NR3C2: variants seen among roughly 807,000 people sequenced by gnomAD.
NR3C2 encodes mineralocorticoid receptor.
In NR3C2, 15 loss-of-function variants were observed where a neutral mutation model predicts 86.4. The observed-to-expected ratio is 0.17, with a 90% CI of 0.12 to 0.27. NR3C2 has a LOEUF of 0.27. Among genes scored for constraint, NR3C2 ranks in the 10% least tolerant of loss-of-function variants. The pLI is 1.00. For synonymous variants in NR3C2, 458 were observed against 450.5 expected (o/e 1.02, Z -0.21); for missense variants, 960 against 1,195.6 (o/e 0.80, Z 2.91).
At chr4:148,388,132 T>C (rs1747361044) in intron 2 of NR3C2, among the ~76,000 whole-genome samples, 1 of 152,162 alleles carries the variant, frequency 6.6e-6, no homozygotes, top group Admixed American at 6.6e-5. Flanking sequence ...AGAAAATGGC[T>C]TCGGAAAATA....
chr4:148,296,044 C>CAAAAAAAAAA lies in NR3C2; in HGVS notation c.1758-35937_1758-35928dup, dbSNP rs529710200. 7.2e-4 allele frequency among the ~76,000 whole-genome samples: 53 copies of CAAAAAAAAAA among 73,926 alleles called. 3 individuals are homozygous for CAAAAAAAAAA. The highest frequency in any genetic ancestry group is 9.6e-4 in the Non-Finnish European group (39 of 40,824). 48.5% of individuals were successfully genotyped at this position (73,926 alleles called of 152,430 possible). On this transcript the variant is annotated intron_variant, in intron 2 of 8. Transcript: ENST00000358102. Reference sequence around the variant, plus strand: ...AGAGGTCCTTAATATGAGCTGAGGCCAAAAAAAAAAAAAAAAAAAAAAGAG... The same window carrying CAAAAAAAAAA: ...AGAGGTCCTTAATATGAGCTGAGGCCAAAAAAAAAAAAAAAAAAAAAAAAAAAAAAAAGAG...
At chr4:148,411,355 T>C (rs572522512) in intron 2 of NR3C2, among the ~76,000 whole-genome samples, 1 of 152,308 alleles carries the variant, frequency 6.6e-6, no homozygotes, top group Non-Finnish European at 1.5e-5. Flanking sequence ...ATTTAAAAGA[T>C]GTTAACATTT....
chr4:148,184,041 G>A (rs1270594085), intron 4 of NR3C2, among the ~76,000 whole-genome samples: 2 of 151,988 alleles, frequency 1.3e-5, no homozygotes, highest in Non-Finnish European at 2.9e-5. Flanking sequence ...ACTATGCACA[G>A]GACAGTCCTC....
intron 2 of NR3C2, among the ~76,000 whole-genome samples, chr4:148,277,046 A>C (rs1177471731): frequency 1.3e-5 from 2 of 152,256 alleles, no homozygotes; most frequent in Non-Finnish European, 2.9e-5. Flanking sequence ...CTTTAGAAAC[A>C]AAAGAAATCA....
chr4:148,135,839 G>A lies in NR3C2; in HGVS notation c.2511-15551C>T, dbSNP rs896498461. ...TGGGAGGCCGAGGCGGGCGGATCAC[G>A]AGGTCAGGAGATCGAGACCATCCCG... On this transcript the variant is annotated intron_variant, in intron 6 of 8. Transcript: ENST00000358102. Among the ~76,000 whole-genome samples the A allele has an allele frequency of 2.8e-3, 430 of 151,476 alleles. 6 individuals are homozygous for A. Among genetic ancestry groups the A allele is most frequent in the Non-Finnish European group, 2.0e-3 (133 of 67,856 alleles).
At chr4:148,296,044 C>A (rs1209652858) in intron 2 of NR3C2, among the ~76,000 whole-genome samples, 314 of 73,782 alleles carry the variant, frequency 4.3e-3, no homozygotes, top group African/African-American at 6.3e-3. Context: ...GAGCTGAGGC[C>A]AAAAAAAAAA....
intron 1 of NR3C2, among the ~76,000 whole-genome samples, chr4:148,439,224 C>G (rs993476530): frequency 6.6e-6 from 1 of 152,116 alleles, no homozygotes. Context: ...ATATTATATG[C>G]TGCTTCTATT....
At chr4:148,384,278 T>C (rs539045678) in intron 2 of NR3C2, among the ~76,000 whole-genome samples, 12 of 152,246 alleles carry the variant, frequency 7.9e-5, no homozygotes, top group Admixed American at 6.5e-4. Context: ...ATTATCAATA[T>C]GAGAATACTT....
Position 148,363,506 on chromosome 4 carries a change from C to CTTTTTTTTTTTTTT in NR3C2, c.1757+71584_1757+71597dup, listed in dbSNP as rs58978966. Among the ~76,000 whole-genome samples, 74 of 110,752 alleles carry CTTTTTTTTTTTTTT rather than the reference C, an allele frequency of 6.7e-4. 3 individuals carry two copies. The highest frequency in any genetic ancestry group is 1.9e-3 in the African/African-American group (56 of 28,854). The allele number at this position is 110,752 out of a possible 152,430, so 72.7% of individuals were successfully genotyped here. ...TAAAGTCTAGACTTCTCATAGATCT[C>CTTTTTTTTTTTTTT]TTTTTTTTTTTTTTTGAGACGGAGT... On this transcript the variant is annotated intron_variant, in intron 2 of 8. Transcript: ENST00000358102.
At chr4:148,213,290 A>G (rs927743456) in intron 3 of NR3C2, among the ~76,000 whole-genome samples, 2 of 152,220 alleles carry the variant, frequency 1.3e-5, no homozygotes, top group Admixed American at 1.3e-4. Flanking sequence ...ATGGAAATTC[A>G]TTTTAAAATC....
At chr4:148,140,689 T>C (rs72653804) in intron 6 of NR3C2, among the ~76,000 whole-genome samples, 5,173 of 152,296 alleles carry the variant, frequency 0.034, 313 homozygotes, top group African/African-American at 0.11. Flanking sequence ...AGATAATATA[T>C]GATCTTAAAC....
rs61758929 is a variant in NR3C2 at position 148,249,339 on chromosome 4, A to G, written c.1897+10639T>C. Among the ~76,000 whole-genome samples, 1,290 of 152,262 alleles carry G rather than the reference A, an allele frequency of 8.5e-3. 7 individuals carry two copies. Among genetic ancestry groups the G allele is most frequent in the Middle Eastern group, 0.024 (7 of 294 alleles). On this transcript the variant is annotated intron_variant, in intron 3 of 8. Transcript: ENST00000358102. Reference sequence around the variant, plus strand: ...AATTCTATAGTTTTGATTCCACTGAAACAAGTAAAAAGAACTTAATGAGCC... The same window carrying G: ...AATTCTATAGTTTTGATTCCACTGAGACAAGTAAAAAGAACTTAATGAGCC...
chr4:148,155,764 T>G (rs990679548), intron 4 of NR3C2, among the ~76,000 whole-genome samples: 24 of 151,438 alleles, frequency 1.6e-4, no homozygotes, highest in Non-Finnish European at 2.8e-4. Context: ...AAAACTACTT[T>G]AAAGTTCATA....
At chr4:148,220,624 A>T (rs773843886) in intron 3 of NR3C2, among the ~76,000 whole-genome samples, 7 of 152,124 alleles carry the variant, frequency 4.6e-5, no homozygotes, top group Non-Finnish European at 8.8e-5. Context: ...TGGGCAACAT[A>T]GCGAGACGCT....
chr4:148,081,283 CCTT>C lies in NR3C2; in HGVS notation c.*58_*60del. ...ATGTTAAAAACAGGTTTTCTTGGGT[CCTT>C]CTGGGTGTGGAACAACACAGGGAAA... On this transcript the variant is annotated 3_prime_UTR_variant, in exon 9 of 9. Coordinates refer to ENST00000358102, the MANE Select transcript of NR3C2 (RefSeq NM_000901.5). 2 of 1,607,314 alleles carry C rather than the reference CCTT, an allele frequency of 1.2e-6. No individual in the cohort carries two copies. The highest frequency in any genetic ancestry group is 1.7e-6 in the Non-Finnish European group (2 of 1,174,004).
chr4:148,226,000 A>G (rs1399987440), intron 3 of NR3C2, among the ~76,000 whole-genome samples: 1 of 152,210 alleles, frequency 6.6e-6, no homozygotes, highest in Non-Finnish European at 1.5e-5. Context: ...ACATTTAAAT[A>G]AAATATAAGC....
chr4:148,366,561 A>C (rs1274857578), intron 2 of NR3C2, among the ~76,000 whole-genome samples: 1 of 152,080 alleles, frequency 6.6e-6, no homozygotes, highest in African/African-American at 2.4e-5. Context: ...AAATTTCAAG[A>C]CACAAGTACC....
At chr4:148,145,652 G>A (rs553584328) in intron 6 of NR3C2, among the ~76,000 whole-genome samples, 7 of 152,308 alleles carry the variant, frequency 4.6e-5, no homozygotes, top group Admixed American at 2.0e-4. Context: ...CAGTGAGACC[G>A]GCAGCACTTG....
At chr4:148,311,953 C>T (rs1742922083) in intron 2 of NR3C2, among the ~76,000 whole-genome samples, 1 of 152,194 alleles carries the variant, frequency 6.6e-6, no homozygotes, top group Admixed American at 6.5e-5. Flanking sequence ...TCAGTGAGGC[C>T]TCTACTGATC....
Sources: allele counts gnomAD v4.1 joint callset (sites outside exome capture counted in the v4.1 genomes callset), GRCh38; gene constraint gnomAD v4.1.1; transcripts MANE v1.5; gene names NCBI Gene and HGNC (gene_info 2026-07-23, HGNC 2026-07-21).